ZC2HC1A: variants seen among roughly 807,000 people sequenced by gnomAD.
ZC2HC1A encodes zinc finger C2HC domain-containing protein 1A.
ZC2HC1A carries 28 observed loss-of-function variants against 40.7 expected under a neutral mutation model. That is an observed-to-expected ratio of 0.69 (90% CI 0.51 to 0.94). ZC2HC1A has a LOEUF of 0.94. Ranked by LOEUF, ZC2HC1A falls within the 40% of genes least tolerant of loss-of-function variation. The pLI is 0.00. For synonymous variants in ZC2HC1A, 129 were observed against 129.2 expected (o/e 1.00, Z 0.01); for missense variants, 389 against 386.3 (o/e 1.01, Z -0.06).
At chr8:78,697,756 G>T (rs988565975) in intron 6 of ZC2HC1A, among the ~76,000 whole-genome samples, 1 of 149,358 alleles carries the variant, frequency 6.7e-6, no homozygotes, top group Non-Finnish European at 1.5e-5. Context: ...TCAGCTCACT[G>T]CAACCTTCGC....
chr8:78,675,056 GT>G (rs1809536813), intron 1 of ZC2HC1A, among the ~76,000 whole-genome samples: 1 of 151,430 alleles, frequency 6.6e-6, no homozygotes, highest in South Asian at 2.1e-4. Context: ...AAAGAATGCA[GT>G]TTCTTTTTTT....
At chr8:78,692,728 G>GT (rs546549038) in intron 5 of ZC2HC1A, among the ~76,000 whole-genome samples, 14 of 151,464 alleles carry the variant, frequency 9.2e-5, no homozygotes, top group South Asian at 4.2e-4. Context: ...CTTCTAATTT[G>GT]TTTTTTTTAT....
chr8:78,698,360 T>C, intron 6 of ZC2HC1A, 54 bp from the exon 7 acceptor site: 1 of 1,438,932 alleles, frequency 6.9e-7, no homozygotes, highest in Non-Finnish European at 9.6e-7. Context: ...AGATGCTCTG[T>C]TTTATGTAAC....
rs1811148343 is a variant in ZC2HC1A at position 78,717,614 on chromosome 8, A to G, written c.*121A>G. 9.0e-7 allele frequency: 1 copy of G among 1,109,020 alleles called. No individual in the cohort carries two copies. The highest frequency in any genetic ancestry group is 1.6e-5 in the African/African-American group (1 of 63,868). The allele number at this position is 1,109,020 out of a possible 1,614,324, so 68.7% of individuals were successfully genotyped here. A position where few individuals can be genotyped will look rare whatever the true frequency, so the allele number is the denominator to read the frequency against. ...AATACTCGAAATACCATTTCCAGTT[A>G]ATTTTGAAGTGTAATCTTTTGGCTA... On this transcript the variant is annotated 3_prime_UTR_variant, in exon 9 of 9. Transcript: ENST00000263849.
Position 78,705,903 on chromosome 8 carries a change from G to T in ZC2HC1A, c.704+7390G>T, listed in dbSNP as rs190785849. Among the ~76,000 whole-genome samples the T allele has an allele frequency of 5.8e-4, 88 of 152,138 alleles. No homozygotes were observed. The East Asian group carries it at 0.016, about 28-fold the overall frequency. ...TGTGTTGTGCTGGGTTACCACTTTC[G>T]TCCCAGTTGGCTTTGGCTCTCTGTG... On this transcript the variant is annotated intron_variant, in intron 7 of 8. Transcript: ENST00000263849.
intron 7 of ZC2HC1A, among the ~76,000 whole-genome samples, chr8:78,706,302 G>T (rs1810769124): frequency 6.6e-6 from 1 of 152,132 alleles, no homozygotes; most frequent in African/African-American, 2.4e-5. Flanking sequence ...TTTTTCCTAA[G>T]GGTATGTACG....
intron 1 of ZC2HC1A, among the ~76,000 whole-genome samples, chr8:78,674,240 T>G (rs1013860621): frequency 6.6e-6 from 1 of 152,202 alleles, no homozygotes; most frequent in Non-Finnish European, 1.5e-5. Flanking sequence ...CAATAGTTAA[T>G]TTTTATAAGA....
chr8:78,698,924 G>T (rs942512500), intron 7 of ZC2HC1A, among the ~76,000 whole-genome samples: 1 of 152,100 alleles, frequency 6.6e-6, no homozygotes, highest in Non-Finnish European at 1.5e-5. Context: ...TTTGCTCAAA[G>T]CCACATAGCT....
rs1330442258 is a variant in ZC2HC1A at position 78,718,397 on chromosome 8, A to T, written c.*904A>T. The T allele has an allele frequency of 6.6e-6, 1 of 151,978 alleles. No homozygotes were observed. The highest frequency in any genetic ancestry group is 2.4e-5 in the African/African-American group (1 of 41,450). 9.4% of individuals were successfully genotyped at this position (151,978 alleles called of 1,614,324 possible). A position where few individuals can be genotyped will look rare whatever the true frequency, so the allele number is the denominator to read the frequency against. ...AAAACATATAATTTTTTGTATCTGAATTTAGAATAAATCATTTTAATGCAT... is the reference window on the plus strand; with the variant it reads ...AAAACATATAATTTTTTGTATCTGATTTTAGAATAAATCATTTTAATGCAT... On this transcript the variant is annotated 3_prime_UTR_variant, in exon 9 of 9. Transcript: ENST00000263849.
chr8:78,711,377 T>C (rs755173454), intron 7 of ZC2HC1A, among the ~76,000 whole-genome samples: 2 of 152,064 alleles, frequency 1.3e-5, no homozygotes, highest in Non-Finnish European at 2.9e-5. Flanking sequence ...AAAATGTGTG[T>C]GTGTATATAT....
intron 7 of ZC2HC1A, among the ~76,000 whole-genome samples, chr8:78,710,919 A>T (rs959142292): frequency 5.3e-5 from 8 of 152,112 alleles, no homozygotes; most frequent in African/African-American, 1.9e-4. Context: ...AAATTAATAA[A>T]ATGTGTCCCT....
At chr8:78,705,272 G>A (rs943968771) in intron 7 of ZC2HC1A, among the ~76,000 whole-genome samples, 1 of 152,148 alleles carries the variant, frequency 6.6e-6, no homozygotes. Flanking sequence ...TTCAGTCTTT[G>A]AGGCTGCTTA....
chr8:78,666,283 C>T (rs1372949489), intron 1 of ZC2HC1A, 119 bp downstream of exon 1: 3 of 1,484,274 alleles, frequency 2.0e-6, no homozygotes, highest in Non-Finnish European at 1.8e-6. Flanking sequence ...TCGCCGCGTC[C>T]CGCCGCGCCT....
intron 1 of ZC2HC1A, among the ~76,000 whole-genome samples, chr8:78,675,441 T>G (rs1421225434): frequency 6.6e-6 from 1 of 151,954 alleles, no homozygotes; most frequent in Non-Finnish European, 1.5e-5. Flanking sequence ...ATAAGATAAA[T>G]TTTGTTCTTA....
chr8:78,686,314 C>T (rs889549285), intron 3 of ZC2HC1A, among the ~76,000 whole-genome samples, 153 bp from the exon 4 acceptor site: 2 of 152,100 alleles, frequency 1.3e-5, no homozygotes, highest in Non-Finnish European at 2.9e-5. Context: ...CATAAAGTTT[C>T]TCTTTAAAAT....
Position 78,689,521 on chromosome 8 carries a change from G to A in ZC2HC1A, c.504+148G>A, listed in dbSNP as rs1585999824. ...TTTTATATATCTATAAAAGTTGTAT[G>A]CTTTTAGCTCTTATATCTGTAAATC... On this transcript the variant is annotated intron_variant, in intron 5 of 8. Coordinates refer to ENST00000263849, the MANE Select transcript of ZC2HC1A (RefSeq NM_016010.3). The A allele has an allele frequency of 1.3e-5, 9 of 683,576 alleles. No individual in the cohort carries two copies. In the East Asian group the frequency reaches 2.7e-4, roughly 21 times the overall value. The allele number at this position is 683,576 out of a possible 1,614,324, so 42.3% of individuals were successfully genotyped here. A position where few individuals can be genotyped will look rare whatever the true frequency, so the allele number is the denominator to read the frequency against.
chr8:78,684,097 T>C (rs1809875858), intron 3 of ZC2HC1A, among the ~76,000 whole-genome samples: 1 of 152,190 alleles, frequency 6.6e-6, no homozygotes, highest in Non-Finnish European at 1.5e-5. Context: ...CCCTCCAAAC[T>C]GTTTCAGCCT....
intron 5 of ZC2HC1A, among the ~76,000 whole-genome samples, chr8:78,691,616 C>A (rs1296505795): frequency 6.6e-6 from 1 of 152,008 alleles, no homozygotes; most frequent in Non-Finnish European, 1.5e-5. Context: ...CATCTGTTTT[C>A]TCCTTTTGTA....
At chr8:78,697,340 G>T in intron 5 of ZC2HC1A, 67 bp from the exon 6 acceptor site, 1 of 1,286,546 alleles carries the variant, frequency 7.8e-7, no homozygotes, top group South Asian at 1.5e-5. Flanking sequence ...GTTAAGTTTT[G>T]AACCACTACT....
Sources: allele counts gnomAD v4.1 joint callset (sites outside exome capture counted in the v4.1 genomes callset), GRCh38; gene constraint gnomAD v4.1.1; transcripts MANE v1.5; gene names NCBI Gene and HGNC (gene_info 2026-07-23, HGNC 2026-07-21).